MMP27: variants seen among roughly 807,000 people sequenced by gnomAD.
The protein encoded by MMP27 is matrix metalloproteinase-27.
In MMP27, 51 loss-of-function variants were observed where a neutral mutation model predicts 48.1. That is an observed-to-expected ratio of 1.06 (90% CI 0.85 to 1.34). The LOEUF (loss-of-function observed/expected upper bound fraction) is 1.34, where lower values mean the gene tolerates loss of function less well. Among genes scored for constraint, MMP27 ranks in the 40% most tolerant of loss-of-function variants. The pLI, the probability that MMP27 is intolerant of heterozygous loss-of-function variation, is 0.00. For missense variants in MMP27, 698 were observed against 619.3 expected (o/e 1.13, Z -1.35); for synonymous variants, 229 against 208.9 (o/e 1.10, Z -0.83).
At chr11:102,693,152 T>C (rs1860756807) in intron 8 of MMP27, 111 bp from the exon 9 acceptor site, 1 of 695,984 alleles carries the variant, frequency 1.4e-6, no homozygotes, top group Non-Finnish European at 2.5e-6. Context: ...ATAGGCATAG[T>C]AGAGGAAAAC....
At position 102,693,911 on chromosome 11, in the gene MMP27, G is replaced by A. The variant is rs1860772164; in HGVS notation, c.1188C>T (p.Cys396=). 1 of 1,594,882 alleles carries A rather than the reference G, an allele frequency of 6.3e-7. No individual in the cohort carries two copies. The highest frequency in any genetic ancestry group is 8.5e-7 in the Non-Finnish European group (1 of 1,172,302). The change falls in exon 8 of 10, where the codon TGC becomes TGT. Residue 396 remains cysteine, a synonymous_variant. Coordinates refer to ENST00000260229, the MANE Select transcript of MMP27 (RefSeq NM_022122.3). The part of the protein sequence containing the change: ...RKTYFFVGIW[C]WRFDEMTQTM... The stretch of plus-strand genomic sequence containing the variant: ...TCAATTGTCTGTAAACTTACCTCCA[G>A]CACCAAATGCCCACAAAGAAGTAGG...
At chr11:102,703,947 A>T (rs1860995712) in intron 2 of MMP27, among the ~76,000 whole-genome samples, 1 of 152,226 alleles carries the variant, frequency 6.6e-6, no homozygotes, top group African/African-American at 2.4e-5. Flanking sequence ...AAGATGAAAG[A>T]AGAACTATCA....
At position 102,691,827 on chromosome 11, in the gene MMP27, C is replaced by G; in HGVS notation, c.1481G>C (p.Ser494Thr). The G allele has an allele frequency of 6.2e-7, 1 of 1,611,688 alleles. No individual in the cohort carries two copies. The highest frequency in any genetic ancestry group is 8.5e-7 in the Non-Finnish European group (1 of 1,178,542). Residue 494 changes from serine (S) to threonine (T), a missense_variant, in exon 10 of 10, where the codon AGT (serine) becomes ACT (threonine). Ser to Thr is a moderately conservative substitution (Grantham distance 58). Coordinates refer to ENST00000260229, the MANE Select transcript of MMP27 (RefSeq NM_022122.3). Reference protein sequence around the residue: ...SGGIKILYHKSLSLFIFGIVH... With the variant: ...SGGIKILYHKTLSLFIFGIVH... ...AATACCAAAAATAAACAAGCTTAAA[C>G]TCTTATGATACAATATCTTTATGCC...
rs193195375 is a variant in MMP27 at position 102,693,105 on chromosome 11, C to T, written c.1194-64G>A. ...GGTTTGGGGAGCTTAATTTGTCTAC[C>T]GCACAACTTAGAGTCAAGCAGGGAT... On this transcript the variant is annotated intron_variant, in intron 8 of 9. Coordinates refer to ENST00000260229, the MANE Select transcript of MMP27 (RefSeq NM_022122.3). The T allele has an allele frequency of 5.0e-5, 64 of 1,282,792 alleles. No individual in the cohort carries two copies. The African/African-American group carries it at 6.1e-4, about 12-fold the overall frequency. The allele number at this position is 1,282,792 out of a possible 1,614,324, so 79.5% of individuals were successfully genotyped here. A position where few individuals can be genotyped will look rare whatever the true frequency, so the allele number is the denominator to read the frequency against.
rs201603132 is a variant in MMP27 at position 102,693,046 on chromosome 11, A to C, written c.1194-5T>G. 9 of 1,606,886 alleles carry C rather than the reference A, an allele frequency of 5.6e-6. No homozygotes were observed. The highest frequency in any genetic ancestry group is 1.7e-6 in the Non-Finnish European group (2 of 1,173,942). On this transcript the variant is annotated splice_region_variant and splice_polypyrimidine_tract_variant and intron_variant, in intron 8 of 9. Coordinates refer to ENST00000260229, the MANE Select transcript of MMP27 (RefSeq NM_022122.3). ...GTTTGGGTCATTTCATCAAACCTGC[A>C]TACAAGAATATGAAAGGATACCAGC...
rs759821103 is a variant in MMP27, at chr11:102,702,863, C to A, written c.509G>T (p.Arg170Leu). 2 of 1,613,770 alleles carry A rather than the reference C, an allele frequency of 1.2e-6. No homozygotes were observed. Among genetic ancestry groups the A allele is most frequent in the Admixed American group, 3.3e-5 (2 of 59,944 alleles). The part of the protein sequence containing the change: ...FRTRVHGRCP[R>L]YFDGPLGVLG... ...CACTCCCAAGGGACCATCAAAATAG[C>A]GAGGACACCGACCATGGACTGAGAT... The change falls in exon 4 of 10, where the codon CGC becomes CTC. Residue 170 changes from arginine (R) to leucine (L), a missense_variant. Transcript: ENST00000260229.
chr11:102,697,950 A>G (rs948620798), intron 4 of MMP27, among the ~76,000 whole-genome samples: 5 of 152,176 alleles, frequency 3.3e-5, no homozygotes, highest in East Asian at 1.9e-4. Context: ...GTCCCACTGG[A>G]AAGTCTTCAG....
chr11:102,696,275 C>A, intron 6 of MMP27, 96 bp downstream of exon 6: 2 of 1,295,450 alleles, frequency 1.5e-6, no homozygotes, highest in Non-Finnish European at 2.2e-6. Flanking sequence ...AAAAGGCACA[C>A]ATTTTCACTA....
In MMP27 at chr11:102,696,442, A is replaced by G; in HGVS notation, c.831T>C (p.His277=). 6.2e-7 allele frequency: 1 copy of G among 1,613,864 alleles called. No homozygotes were observed. The highest frequency in any genetic ancestry group is 1.1e-5 in the South Asian group (1 of 91,080). The change falls in exon 6 of 10, where the codon CAT becomes CAC. Residue 277 remains histidine (H), a synonymous_variant. Transcript: ENST00000260229. The stretch of plus-strand genomic sequence containing the variant: ...CAAAAGTCAAGTCAGGGTCACAGGC[A>G]TGGGGTATAGTGGGTTCCTTTGGCT... ...PAKPKEPTIP[H]ACDPDLTFDA...
rs1265814883 is a variant in MMP27, at chr11:102,696,727, G to A, written c.728C>T (p.Pro243Leu). 1 of 1,613,660 alleles carries A rather than the reference G, an allele frequency of 6.2e-7. No individual in the cohort carries two copies. The highest frequency in any genetic ancestry group is 1.3e-5 in the African/African-American group (1 of 74,868). ...ATCCTGAGAAAGTGGGTATTTTCTGGGATCCAGGGAGACATAATTTGGGAA... is the reference window on the plus strand; with the variant it reads ...ATCCTGAGAAAGTGGGTATTTTCTGAGATCCAGGGAGACATAATTTGGGAA... ...LMFPNYVSLD[P>L]RKYPLSQDDI... The change falls in exon 5 of 10, where the codon CCC becomes CTC. Residue 243 changes from proline (P) to leucine (L), a missense_variant. Pro to Leu is a moderately conservative substitution (Grantham distance 98, BLOSUM62 -3). Coordinates refer to ENST00000260229, the MANE Select transcript of MMP27 (RefSeq NM_022122.3).
chr11:102,703,168 T>C (rs1477912825), intron 2 of MMP27, 50 bp from the exon 3 acceptor site: 1 of 1,537,240 alleles, frequency 6.5e-7, no homozygotes, highest in Non-Finnish European at 8.9e-7. Context: ...CATGCATGAA[T>C]ATACACACAT....
At chr11:102,697,691 G>A (rs1435413127) in intron 4 of MMP27, among the ~76,000 whole-genome samples, 1 of 151,928 alleles carries the variant, frequency 6.6e-6, no homozygotes, top group Non-Finnish European at 1.5e-5. Context: ...TTTTTGTAGA[G>A]ATGGGGGTCT....
chr11:102,701,950 G>C (rs567685938), intron 4 of MMP27, among the ~76,000 whole-genome samples: 2 of 152,294 alleles, frequency 1.3e-5, no homozygotes, highest in East Asian at 3.9e-4. Context: ...GCTTTCCTGT[G>C]ACTCTGGAAG....
intron 6 of MMP27, among the ~76,000 whole-genome samples, chr11:102,695,862 T>C (rs192814799): frequency 1.6e-4 from 24 of 152,350 alleles, no homozygotes; most frequent in Non-Finnish European, 3.2e-4. Flanking sequence ...TAACACTTTA[T>C]TGATGCAACT....
In MMP27 at chr11:102,702,770, C is replaced by A. The variant is rs540607008; in HGVS notation, c.602G>T (p.Trp201Leu). 1.7e-5 allele frequency: 27 copies of A among 1,610,824 alleles called. No individual in the cohort carries two copies. The highest frequency in any genetic ancestry group is 8.9e-5 in the East Asian group (4 of 44,858). Reference sequence around the variant, plus strand: ...AGACTCACCTGCTCCATCCTTGGTCCAGTTTTCATCCTCATCAAAATGAGT... The same window carrying A: ...AGACTCACCTGCTCCATCCTTGGTCAAGTTTTCATCCTCATCAAAATGAGT... ...GDTHFDEDEN[W>L]TKDGAGFNLF... The change falls in exon 4 of 10, where the codon TGG becomes TTG. Residue 201 changes from tryptophan (W) to leucine (L), a missense_variant. By Grantham distance (61) the Trp-to-Leu change is moderately conservative. Coordinates refer to ENST00000260229, the MANE Select transcript of MMP27 (RefSeq NM_022122.3).
chr11:102,696,243 T>C (rs965953330), intron 6 of MMP27, 128 bp downstream of exon 6: 3 of 868,820 alleles, frequency 3.5e-6, no homozygotes, highest in Admixed American at 4.4e-5. Flanking sequence ...TCAAACAGTA[T>C]AGGCAGTTAT....
chr11:102,697,605 A>G (rs922965487), intron 4 of MMP27, among the ~76,000 whole-genome samples: 5 of 151,900 alleles, frequency 3.3e-5, no homozygotes, highest in African/African-American at 1.2e-4. Context: ...AGGCTTGGAC[A>G]ATCCTCCTCC....
intron 4 of MMP27, among the ~76,000 whole-genome samples, chr11:102,697,372 G>A (rs761510293): frequency 2.0e-5 from 3 of 152,142 alleles, no homozygotes; most frequent in Non-Finnish European, 4.4e-5. Flanking sequence ...GTGAGTGAGT[G>A]GTGAGTGAAT....
At chr11:102,694,116 T>A in intron 7 of MMP27, 51 bp from the exon 8 acceptor site, 1 of 1,380,056 alleles carries the variant, frequency 7.2e-7, no homozygotes, top group Non-Finnish European at 9.6e-7. Context: ...AATAGGTATC[T>A]CAAGAAATTT....
Sources: gnomAD v4.1 joint callset for allele counts (sites outside exome capture counted in the v4.1 genomes callset) on GRCh38, gnomAD v4.1.1 for gene constraint, MANE v1.5 for transcripts, NCBI Gene and HGNC (gene_info 2026-07-23, HGNC 2026-07-21) for gene names.